Variants in MYH13 observed in about 807,000 individuals in gnomAD.
MYH13 encodes myosin-13.
MYH13 carries 177 observed loss-of-function variants against 232.1 expected under a neutral mutation model. The ratio of observed to expected loss-of-function variants is 0.76; its 90% CI spans 0.67 to 0.86. The LOEUF (loss-of-function observed/expected upper bound fraction) is 0.86, where lower values mean the gene tolerates loss of function less well. Ranked by LOEUF, MYH13 falls within the 40% of genes least tolerant of loss-of-function variation. The probability of loss-of-function intolerance (pLI) is 0.00; values close to 1 mark genes in which losing one functional copy is unlikely to be tolerated. For synonymous variants in MYH13, 884 were observed against 923.5 expected (o/e 0.96, Z 0.78); for missense variants, 2,246 against 2,405.9 (o/e 0.93, Z 1.39).
At position 10,345,452 on chromosome 17, in the gene MYH13, A is replaced by C; in HGVS notation, c.1413+15T>G. 1 of 1,614,234 alleles carries C rather than the reference A, an allele frequency of 6.2e-7. No individual in the cohort carries two copies. The highest frequency in any genetic ancestry group is 2.2e-5 in the East Asian group (1 of 44,886). On this transcript the variant is annotated intron_variant, in intron 14 of 40. Coordinates refer to ENST00000252172, the MANE Select transcript of MYH13 (RefSeq NM_003802.3). ...TTCAGCAAAGCAGACAAGAAAGTAG[A>C]AGGTCACAACTCACATCAAAGATCT... is the stretch of plus-strand genomic sequence containing the variant.
At chr17:10,328,843 A>G (rs561696692) in intron 21 of MYH13, among the ~76,000 whole-genome samples, 1 of 151,948 alleles carries the variant, frequency 6.6e-6, no homozygotes, top group South Asian at 2.1e-4. Context: ...ACGCCTGGCT[A>G]ATTTTTGTAT....
intron 1 of MYH13, 37 bp from the exon 2 acceptor site, chr17:10,371,296 A>G: frequency 6.6e-6 from 1 of 152,182 alleles, no homozygotes; most frequent in Admixed American, 6.5e-5. Flanking sequence ...AAACCAAAAA[A>G]ACCCAAATGA....
At chr17:10,354,611 C>T in intron 11 of MYH13, 69 bp downstream of exon 11, 1 of 1,413,460 alleles carries the variant, frequency 7.1e-7, no homozygotes, top group African/African-American at 1.4e-5. Flanking sequence ...CATTAGCTCA[C>T]TAACGTGTCT....
At chr17:10,340,491 T>C in intron 16 of MYH13, 90 bp from the exon 17 acceptor site, 1 of 981,098 alleles carries the variant, frequency 1.0e-6, no homozygotes, top group Non-Finnish European at 1.5e-6. Context: ...CCCCGAGTTC[T>C]GGTTTCCTTT....
At position 10,362,236 on chromosome 17, in the gene MYH13, G is replaced by T. The variant is rs2071799593; in HGVS notation, c.387C>A (p.Tyr129Ter). The change falls in exon 5 of 41, where the codon TAC (tyrosine) becomes TAA (stop). Residue 129 changes from tyrosine (Y) to a stop codon, truncating the protein, a stop_gained. Coordinates refer to ENST00000252172, the MANE Select transcript of MYH13 (RefSeq NM_003802.3). LOFTEE classifies it high-confidence loss of function. ...SGLFCVTVNP[Y>*]KWLPVYKPEV... ...CGGGCTTGTACACCGGCAGCCACTT[G>T]TAGGGGTTGACGGTGACACAGAAGA... 2.3e-5 allele frequency: 37 copies of T among 1,613,846 alleles called. No homozygotes were observed. Among genetic ancestry groups the T allele is most frequent in the Non-Finnish European group, 3.0e-5 (35 of 1,179,724 alleles).
chr17:10,309,306 C>T lies in MYH13; in HGVS notation c.5097G>A (p.Thr1699=), dbSNP rs1399168488. 5 of 1,613,846 alleles carry T rather than the reference C, an allele frequency of 3.1e-6. No individual in the cohort carries two copies. Among genetic ancestry groups the T allele is most frequent in the East Asian group, 2.2e-5 (1 of 44,888 alleles). Residue 1699 remains threonine, a synonymous_variant, in exon 35 of 41, where the codon ACG becomes ACA. Coordinates refer to ENST00000252172, the MANE Select transcript of MYH13 (RefSeq NM_003802.3). ...LEEMKVALEQ[T]ERTRRLSEQE... is the part of the protein sequence containing the mutation. ...GCTCTGACAGCCTGCGGGTCCGCTC[C>T]GTCTGTTCCAGGGCCACCTTCATTT...
Position 10,332,881 on chromosome 17 carries a change from G to A in MYH13, c.2174+193C>T, listed in dbSNP as rs570126601. ...GTCACAATCAGGCTAGAGGGTCTGG[G>A]ATCTGAATTTGGAACCACTTGGGCT... is the stretch of plus-strand genomic sequence containing the variant. On this transcript the variant is annotated intron_variant, in intron 19 of 40. Transcript: ENST00000252172. 3.3e-5 allele frequency among the ~76,000 whole-genome samples: 5 copies of A among 152,322 alleles called. No individual in the cohort carries two copies. The East Asian group carries it at 9.7e-4, about 29-fold the overall frequency.
chr17:10,361,980 T>A, intron 5 of MYH13, 138 bp downstream of exon 5: 1 of 1,528,198 alleles, frequency 6.5e-7, no homozygotes, highest in East Asian at 2.3e-5. Flanking sequence ...GTTGTACCCT[T>A]TGCTTTTCAT....
intron 22 of MYH13, among the ~76,000 whole-genome samples, chr17:10,327,319 A>AT (rs917636447): frequency 4.0e-5 from 6 of 148,824 alleles, no homozygotes; most frequent in Admixed American, 1.3e-4. Context: ...GTTTTTAAAA[A>AT]TTTTTTTACA....
intron 8 of MYH13, among the ~76,000 whole-genome samples, chr17:10,355,597 C>T (rs1390422894): frequency 3.9e-5 from 6 of 152,200 alleles, no homozygotes; most frequent in Admixed American, 2.0e-4. Flanking sequence ...ACCTCTCCAC[C>T]GGGTGCCCAG....
Position 10,309,238 on chromosome 17 carries a change from G to T in MYH13, c.5165C>A (p.Ser1722Tyr). Reference protein sequence around the residue: ...DASDRVQLLHSQNTSLINTKK... With the variant: ...DASDRVQLLHYQNTSLINTKK... ...GAGGAGTGAGGGCCGACGCACCTGG[G>T]AGTGCAGGAGCTGCACGCGGTCGCT... Residue 1722 changes from serine (S) to tyrosine (Y), a missense_variant, in exon 35 of 41, where the codon TCC becomes TAC. Ser to Tyr is a moderately radical substitution (Grantham distance 144). Coordinates refer to ENST00000252172, the MANE Select transcript of MYH13 (RefSeq NM_003802.3). 1 of 1,613,072 alleles carries T rather than the reference G, an allele frequency of 6.2e-7. No individual in the cohort carries two copies. Among genetic ancestry groups the T allele is most frequent in the Non-Finnish European group, 8.5e-7 (1 of 1,179,692 alleles).
rs937847762 is a variant in MYH13, at chr17:10,333,199, G to A, written c.2057-8C>T. ...AGTAGTGGTCCATCACACCTGGAGA[G>A]AGAACGTCCCGGGGGTGTGCCTGTG... On this transcript the variant is annotated splice_region_variant and splice_polypyrimidine_tract_variant and intron_variant, in intron 18 of 40. Transcript: ENST00000252172. The A allele has an allele frequency of 1.3e-6, 2 of 1,533,612 alleles. No individual in the cohort carries two copies. The highest frequency in any genetic ancestry group is 1.8e-6 in the Non-Finnish European group (2 of 1,130,654).
intron 27 of MYH13, among the ~76,000 whole-genome samples, chr17:10,318,199 G>A (rs539891301): frequency 2.6e-4 from 39 of 152,328 alleles, no homozygotes; most frequent in African/African-American, 7.5e-4. Context: ...CTGAGATGGC[G>A]CCACTGCAAT....
At chr17:10,341,677 T>G (rs8076045) in intron 16 of MYH13, among the ~76,000 whole-genome samples, 118,351 of 152,044 alleles carry the variant, frequency 0.78, 46,578 homozygotes, top group East Asian at 0.88. Flanking sequence ...ATTGGGGAAG[T>G]GAAGGCAGGA....
chr17:10,346,739 A>G lies in MYH13; in HGVS notation c.1204T>C (p.Cys402Arg). ...LNSAEMLKGL[C>R]CPRVKVGNEY... The stretch of plus-strand genomic sequence containing the variant: ...TTGCCAACCTTCACCCTTGGACAGC[A>G]CAGGCCCTTCAGCATTTCTGCAGAA... The change falls in exon 13 of 41, where the codon TGC becomes CGC. Residue 402 changes from cysteine (C) to arginine (R), a missense_variant. Coordinates refer to ENST00000252172, the MANE Select transcript of MYH13 (RefSeq NM_003802.3). The G allele has an allele frequency of 6.2e-7, 1 of 1,614,026 alleles. No homozygotes were observed. The highest frequency in any genetic ancestry group is 1.1e-5 in the South Asian group (1 of 91,084).
chr17:10,360,488 C>T (rs572874293), intron 5 of MYH13, among the ~76,000 whole-genome samples: 10 of 152,286 alleles, frequency 6.6e-5, no homozygotes, highest in Admixed American at 3.9e-4. Context: ...CCTTTCCCAT[C>T]GCCCTTTTCC....
At position 10,360,022 on chromosome 17, in the gene MYH13, A is replaced by G. The variant is rs2071779744; in HGVS notation, c.583T>C (p.Tyr195His). Residue 195 changes from tyrosine to histidine, a missense_variant, in exon 7 of 41, where the codon TAT becomes CAT. Physicochemically the swap from Tyr to His is moderately conservative, Grantham distance 83. Transcript: ENST00000252172. ...KTVNTKRVIQ[Y>H]FATIAVTGDK... ...CCGGTAACTGCAATTGTTGCAAAAT[A>G]CTGGATGACACGCTTGGTGTTCACA... The G allele has an allele frequency of 6.2e-7, 1 of 1,614,146 alleles. No individual in the cohort carries two copies. Among genetic ancestry groups the G allele is most frequent in the African/African-American group, 1.3e-5 (1 of 75,028 alleles).
intron 8 of MYH13, among the ~76,000 whole-genome samples, chr17:10,357,401 C>T (rs111994037): frequency 5.9e-5 from 9 of 152,268 alleles, no homozygotes; most frequent in East Asian, 1.9e-4. Flanking sequence ...GCTTAATGGA[C>T]GTTAACATTT....
intron 11 of MYH13, 159 bp from the exon 12 acceptor site, chr17:10,350,853 TG>T (rs1238069277): frequency 3.7e-5 from 33 of 892,240 alleles, no homozygotes; most frequent in Non-Finnish European, 5.7e-5. Flanking sequence ...AGAAACCATT[TG>T]TTTCACGTGT....
Sources: allele counts gnomAD v4.1 joint callset (sites outside exome capture counted in the v4.1 genomes callset), GRCh38; gene constraint gnomAD v4.1.1; transcripts MANE v1.5; gene names NCBI Gene and HGNC (gene_info 2026-07-23, HGNC 2026-07-21).